RIMS1: variants seen among roughly 807,000 people sequenced by gnomAD.
RIMS1 encodes the protein regulating synaptic membrane exocytosis protein 1.
Under a neutral mutation model 214.1 loss-of-function variants are expected in RIMS1, and 83 were observed. That is an observed-to-expected ratio of 0.39 (90% CI 0.32 to 0.47). The LOEUF is 0.47. Among genes scored for constraint, RIMS1 ranks in the 20% least tolerant of loss-of-function variants. RIMS1 has a pLI of 0.99. For synonymous variants in RIMS1, 793 were observed against 786.8 expected, an observed-to-expected ratio of 1.01 and a Z score of -0.13; for missense variants, 2,050 against 2,161.8, an observed-to-expected ratio of 0.95 and a Z score of 1.03.
In RIMS1 at chr6:72,182,675, G is replaced by C. The variant is rs1029173271; in HGVS notation, c.1204G>C (p.Ala402Pro). The C allele has an allele frequency of 6.9e-7, 1 of 1,445,508 alleles. No homozygotes were observed. Among genetic ancestry groups the C allele is most frequent in the Admixed American group, 2.8e-5 (1 of 35,818 alleles). The allele number at this position is 1,445,508 out of a possible 1,614,324, so 89.5% of individuals were successfully genotyped here. ...GGCGCTCCCGCGCACCGAGGCGGGC[G>C]CGGCGCTGCCGGAGGGCAAGGCCGG... Reference protein sequence around the residue: ...DVALPRTEAGAALPEGKAGKR... With the variant: ...DVALPRTEAGPALPEGKAGKR... Residue 402 changes from alanine (A) to proline (P), a missense_variant, in exon 6 of 34, where the codon GCG (alanine) becomes CCG (proline). Coordinates refer to ENST00000521978, the MANE Select transcript of RIMS1 (RefSeq NM_014989.7).
intron 1 of RIMS1, among the ~76,000 whole-genome samples, chr6:71,897,983 A>C (rs1294882568): frequency 1.3e-5 from 2 of 152,172 alleles, no homozygotes; most frequent in Non-Finnish European, 2.9e-5. Flanking sequence ...GAGTGCTTTT[A>C]GTTATCGAGA....
At chr6:72,258,035 G>T (rs1009411432) in intron 16 of RIMS1, 90 bp from the exon 17 acceptor site, 8 of 1,180,346 alleles carry the variant, frequency 6.8e-6, no homozygotes, top group Non-Finnish European at 9.7e-6. Context: ...ATAGATCAAT[G>T]GCTGCTTTAG....
intron 1 of RIMS1, among the ~76,000 whole-genome samples, chr6:71,957,419 A>G (rs1429047297): frequency 2.6e-5 from 4 of 152,200 alleles, no homozygotes; most frequent in Non-Finnish European, 5.9e-5. Flanking sequence ...ATTTTTAACA[A>G]TAGAGTTGCT....
intron 23 of RIMS1, among the ~76,000 whole-genome samples, chr6:72,283,789 C>G (rs2091279229): frequency 6.6e-6 from 1 of 152,132 alleles, no homozygotes; most frequent in East Asian, 1.9e-4. Flanking sequence ...TGTAGACGTA[C>G]TTGTCTAGAC....
At chr6:71,991,942 G>A (rs1454610415) in intron 2 of RIMS1, among the ~76,000 whole-genome samples, 1 of 152,146 alleles carries the variant, frequency 6.6e-6, no homozygotes, top group Non-Finnish European at 1.5e-5. Flanking sequence ...GCAGGTGCCT[G>A]TAATCCCAGC....
intron 4 of RIMS1, among the ~76,000 whole-genome samples, chr6:72,161,897 A>G (rs544660829): frequency 7.1e-5 from 10 of 141,072 alleles, no homozygotes; most frequent in African/African-American, 2.5e-4. Flanking sequence ...ATAGATGTCT[A>G]TTAGGTCCGC....
At chr6:72,113,393 A>C (rs1035832489) in intron 4 of RIMS1, among the ~76,000 whole-genome samples, 11 of 151,886 alleles carry the variant, frequency 7.2e-5, no homozygotes, top group African/African-American at 2.7e-4. Context: ...TTTTATTCTT[A>C]TTTTTATGCT....
chr6:72,391,207 GT>G (rs1303202924), intron 30 of RIMS1, among the ~76,000 whole-genome samples: 1 of 151,960 alleles, frequency 6.6e-6, no homozygotes, highest in Non-Finnish European at 1.5e-5. Flanking sequence ...ACATTTTCTT[GT>G]TTTTAAAACA....
intron 6 of RIMS1, among the ~76,000 whole-genome samples, chr6:72,185,049 G>A (rs12663997): frequency 0.26 from 40,223 of 151,898 alleles, 6,054 homozygotes; most frequent in Non-Finnish European, 0.34. Context: ...GTAAGGGACT[G>A]TCTTTTAAAG....
intron 22 of RIMS1, among the ~76,000 whole-genome samples, chr6:72,267,817 A>T (rs1355475025): frequency 6.6e-6 from 1 of 152,180 alleles, no homozygotes; most frequent in Non-Finnish European, 1.5e-5. Flanking sequence ...ACCAGCAGGC[A>T]AATAATCTAG....
chr6:72,163,704 G>A (rs1016562670), intron 4 of RIMS1, among the ~76,000 whole-genome samples: 4 of 140,184 alleles, frequency 2.9e-5, no homozygotes, highest in African/African-American at 9.9e-5. Context: ...AGCAGATATT[G>A]GTGAACAGCA....
At position 72,201,442 on chromosome 6, in the gene RIMS1, G is replaced by A. The variant is rs75921450; in HGVS notation, c.1678+18293G>A. On this transcript the variant is annotated intron_variant, in intron 6 of 33. Transcript: ENST00000521978. ...TCCTTTTAAAATGCAGAATCATACT[G>A]CAGTGTTTTTGACCCATTTTATCCA... 9.3e-4 allele frequency among the ~76,000 whole-genome samples: 141 copies of A among 152,254 alleles called. 1 individual carries two copies. In the East Asian group the frequency reaches 0.024, roughly 25 times the overall value.
chr6:72,315,585 GA>G (rs1452892840), intron 28 of RIMS1, among the ~76,000 whole-genome samples: 2 of 152,200 alleles, frequency 1.3e-5, no homozygotes, highest in East Asian at 3.9e-4. Flanking sequence ...AGAATAGAGA[GA>G]AAAAATAAGA....
chr6:72,297,018 T>A (rs988508648), intron 26 of RIMS1, among the ~76,000 whole-genome samples: 7 of 151,978 alleles, frequency 4.6e-5, no homozygotes, highest in Non-Finnish European at 7.4e-5. Context: ...TGTATCTCGG[T>A]ATTACAAAGA....
Position 72,250,969 on chromosome 6 carries a change from A to G in RIMS1, c.2421A>G (p.Pro807=). The G allele has an allele frequency of 1.3e-6, 2 of 1,546,152 alleles. No homozygotes were observed. The highest frequency in any genetic ancestry group is 2.4e-5 in the East Asian group (1 of 41,422). ...RTKTVKKILE[P]KWNQTFVYSH... ...AAACAGTAAAGAAAATACTAGAACC[A>G]AAATGGAATCAAACTTTTGTCTATT... Residue 807 remains proline, a synonymous_variant, in exon 14 of 34, where the codon CCA becomes CCG. Transcript: ENST00000521978.
intron 2 of RIMS1, among the ~76,000 whole-genome samples, chr6:72,090,684 T>C (rs1165486677): frequency 6.6e-6 from 1 of 152,220 alleles, no homozygotes; most frequent in Non-Finnish European, 1.5e-5. Context: ...CACTGGTACA[T>C]GCTGTCATGA....
At chr6:72,079,646 G>A (rs1832787839) in intron 2 of RIMS1, among the ~76,000 whole-genome samples, 1 of 152,130 alleles carries the variant, frequency 6.6e-6, no homozygotes, top group Admixed American at 6.5e-5. Flanking sequence ...CATTTTAGGA[G>A]GCCAAGGCAG....
intron 23 of RIMS1, among the ~76,000 whole-genome samples, chr6:72,277,575 CTG>C (rs1222472162): frequency 1.7e-5 from 2 of 115,264 alleles, no homozygotes; most frequent in Non-Finnish European, 3.6e-5. Flanking sequence ...GAGCCAGACT[CTG>C]TCTCAAAAAA....
chr6:72,088,790 A>G (rs1249498126), intron 2 of RIMS1, among the ~76,000 whole-genome samples: 2 of 152,148 alleles, frequency 1.3e-5, no homozygotes, highest in Non-Finnish European at 2.9e-5. Context: ...GACCCCTCAT[A>G]TAAGTAATTT....
Sources: allele counts gnomAD v4.1 joint callset (sites outside exome capture counted in the v4.1 genomes callset), GRCh38; gene constraint gnomAD v4.1.1; transcripts MANE v1.5; gene names NCBI Gene and HGNC (gene_info 2026-07-23, HGNC 2026-07-21).